Variants in UNC13A observed in about 807,000 individuals in gnomAD.
The protein encoded by UNC13A is unc-13 homolog A, also known as protein unc-13 homolog A.
In UNC13A, 61 loss-of-function variants were observed where a neutral mutation model predicts 219.7. The ratio of observed to expected loss-of-function variants is 0.28; its 90% CI spans 0.23 to 0.34. UNC13A has a LOEUF of 0.34. Among genes scored for constraint, UNC13A ranks in the 10% least tolerant of loss-of-function variants. The pLI is 1.00. For synonymous variants in UNC13A, 920 were observed against 884.6 expected (o/e 1.04, Z -0.71); for missense variants, 1,476 against 2,270.3 (o/e 0.65, Z 7.11).
chr19:17,676,179 A>C, intron 1 of UNC13A, 138 bp from the exon 2 acceptor site: 1 of 919,122 alleles, frequency 1.1e-6, no homozygotes, highest in South Asian at 1.4e-5. Context: ...GGCAAAGATA[A>C]AAAGCAAAAG....
At chr19:17,608,289 A>G (rs2076556942) in intron 43 of UNC13A, among the ~76,000 whole-genome samples, 1 of 140,148 alleles carries the variant, frequency 7.1e-6, no homozygotes, top group South Asian at 2.1e-4. Context: ...TATATATAAT[A>G]TAATATATAC....
intron 35 of UNC13A, 115 bp from the exon 36 acceptor site, chr19:17,623,662 C>A: frequency 1.9e-6 from 1 of 534,424 alleles, no homozygotes; most frequent in East Asian, 3.5e-5. Context: ...AAGACCCCTG[C>A]CCCAGCCCAG....
chr19:17,652,459 G>C (rs1049349054), intron 12 of UNC13A, among the ~76,000 whole-genome samples, 172 bp downstream of exon 12: 1 of 152,158 alleles, frequency 6.6e-6, no homozygotes, highest in Non-Finnish European at 1.5e-5. Flanking sequence ...TGTCTTTTGT[G>C]TCTGCGTATG....
intron 12 of UNC13A, among the ~76,000 whole-genome samples, chr19:17,650,288 C>T (rs1211211644): frequency 1.3e-5 from 2 of 151,656 alleles, no homozygotes; most frequent in African/African-American, 2.4e-5. Flanking sequence ...CCGAGGCGGG[C>T]GGATCACCTG....
At chr19:17,661,963 C>T (rs946257564) in intron 8 of UNC13A, among the ~76,000 whole-genome samples, 5 of 152,012 alleles carry the variant, frequency 3.3e-5, no homozygotes, top group Admixed American at 6.6e-5. Flanking sequence ...CATAGAAGGC[C>T]GGGCGCAGTG....
intron 30 of UNC13A, among the ~76,000 whole-genome samples, 198 bp downstream of exon 30, chr19:17,629,946 TC>T (rs2076824139): frequency 6.7e-6 from 1 of 150,146 alleles, no homozygotes; most frequent in Non-Finnish European, 1.5e-5. Flanking sequence ...CATTCAAACC[TC>T]AACTCCAACC....
At chr19:17,653,821 CTTTTTT>C (rs57243215) in intron 11 of UNC13A, among the ~76,000 whole-genome samples, 2 of 78,256 alleles carry the variant, frequency 2.6e-5, no homozygotes, top group Non-Finnish European at 2.3e-5. Context: ...TATCACTTCT[CTTTTTT>C]TTTTTTTTTT....
rs2076498615 is a variant in UNC13A at position 17,604,339 on chromosome 19, G to C, written c.*1715C>G. ...CCCTGCCTGGTCTGATGCTTCTGCA[G>C]ATCTCCCCAACCCCAAGGCTCCTCA... On this transcript the variant is annotated 3_prime_UTR_variant, in exon 44 of 44. Coordinates refer to ENST00000519716, the MANE Select transcript of UNC13A (RefSeq NM_001080421.3). 1 of 152,252 alleles carries C rather than the reference G, an allele frequency of 6.6e-6. No homozygotes were observed. Among genetic ancestry groups the C allele is most frequent in the Non-Finnish European group, 1.5e-5 (1 of 68,128 alleles). The allele number at this position is 152,252 out of a possible 1,614,324, so 9.4% of individuals were successfully genotyped here. A position where few individuals can be genotyped will look rare whatever the true frequency, so the allele number is the denominator to read the frequency against.
In UNC13A at chr19:17,605,750, A is replaced by C; in HGVS notation, c.*304T>G. 2.9e-6 allele frequency: 1 copy of C among 339,904 alleles called. No individual in the cohort carries two copies. 21.1% of individuals were successfully genotyped at this position (339,904 alleles called of 1,614,324 possible). A position where few individuals can be genotyped will look rare whatever the true frequency, so the allele number is the denominator to read the frequency against. ...AGCCCCGGGATGTGGCCTCCTCCAT[A>C]GGGACGAGGTTTCCCCCATCCCAGC... On this transcript the variant is annotated 3_prime_UTR_variant, in exon 44 of 44. Transcript: ENST00000519716.
intron 6 of UNC13A, among the ~76,000 whole-genome samples, chr19:17,667,293 A>ACTC (rs1470515338): frequency 6.7e-6 from 1 of 150,270 alleles, no homozygotes; most frequent in Non-Finnish European, 1.5e-5. Context: ...GACATTGGGG[A>ACTC]CTCCAGAAGG....
At chr19:17,676,809 T>A (rs1286584030) in intron 1 of UNC13A, among the ~76,000 whole-genome samples, 2 of 151,886 alleles carry the variant, frequency 1.3e-5, no homozygotes, top group African/African-American at 2.4e-5. Flanking sequence ...AGGTCAGGAG[T>A]TCAAGACCAG....
Position 17,630,006 on chromosome 19 carries a change from A to C in UNC13A, c.3669+139T>G. 3 of 1,015,574 alleles carry C rather than the reference A, an allele frequency of 3.0e-6. No individual in the cohort carries two copies. The South Asian group carries it at 5.1e-5, about 17-fold the overall frequency. The allele number at this position is 1,015,574 out of a possible 1,614,324, so 62.9% of individuals were successfully genotyped here. Reference sequence around the variant, plus strand: ...CAAACTTCAACTCCAACCTCAACCCAAACTCCAACTTCAATCCCAACCTCA... The same window carrying C: ...CAAACTTCAACTCCAACCTCAACCCCAACTCCAACTTCAATCCCAACCTCA... On this transcript the variant is annotated intron_variant, in intron 30 of 43. Coordinates refer to ENST00000519716, the MANE Select transcript of UNC13A (RefSeq NM_001080421.3).
intron 1 of UNC13A, among the ~76,000 whole-genome samples, chr19:17,683,223 T>C (rs1199127078): frequency 6.6e-6 from 1 of 152,188 alleles, no homozygotes; most frequent in Non-Finnish European, 1.5e-5. Flanking sequence ...CCTCTGGCTC[T>C]GTTCCACCAG....
At chr19:17,679,128 G>A (rs1456553662) in intron 1 of UNC13A, among the ~76,000 whole-genome samples, 2 of 152,062 alleles carry the variant, frequency 1.3e-5, no homozygotes, top group Non-Finnish European at 2.9e-5. Context: ...GAGGCTGGGC[G>A]TGGTAGCCCA....
chr19:17,668,037 A>T (rs2079693585), intron 6 of UNC13A, 80 bp downstream of exon 6: 2 of 1,434,756 alleles, frequency 1.4e-6, no homozygotes, highest in East Asian at 4.7e-5. Flanking sequence ...TTAGAGAGAA[A>T]CAGCATCTGT....
In UNC13A at chr19:17,606,121, T is replaced by C. The variant is rs1353042878; in HGVS notation, c.5045A>G (p.Lys1682Arg). 5.0e-6 allele frequency: 8 copies of C among 1,596,928 alleles called. No homozygotes were observed. The highest frequency in any genetic ancestry group is 6.0e-6 in the Non-Finnish European group (7 of 1,173,564). The change falls in exon 44 of 44, where the codon AAG (lysine) becomes AGG (arginine). Residue 1682 changes from lysine to arginine, a missense_variant. By Grantham distance (26) the Lys-to-Arg change is conservative. Transcript: ENST00000519716. ...LSQRSNDEVA[K>R]EFVKLKSDTR... is the part of the protein sequence containing the mutation. ...GTCCGACTTGAGCTTCACGAACTCCTTGGCCACCTCGTCGTTGCTGCGCTG... is the reference window on the plus strand; with the variant it reads ...GTCCGACTTGAGCTTCACGAACTCCCTGGCCACCTCGTCGTTGCTGCGCTG...
chr19:17,607,054 G>A (rs1430182328), intron 43 of UNC13A, among the ~76,000 whole-genome samples: 2 of 151,994 alleles, frequency 1.3e-5, no homozygotes, highest in African/African-American at 4.8e-5. Context: ...CACCCTGGCT[G>A]ACATCTGACC....
Position 17,601,817 on chromosome 19 carries a change from T to G in UNC13A, c.*4237A>C, listed in dbSNP as rs1000311931. 6.6e-6 allele frequency: 1 copy of G among 152,404 alleles called. No individual in the cohort carries two copies. Among genetic ancestry groups the G allele is most frequent in the East Asian group, 1.9e-4 (1 of 5,190 alleles). The allele number at this position is 152,404 out of a possible 1,614,324, so 9.4% of individuals were successfully genotyped here. A position where few individuals can be genotyped will look rare whatever the true frequency, so the allele number is the denominator to read the frequency against. On this transcript the variant is annotated 3_prime_UTR_variant, in exon 44 of 44. Coordinates refer to ENST00000519716, the MANE Select transcript of UNC13A (RefSeq NM_001080421.3). ...TCAACTTGATTTTTCTCTGAAACAATAAAAGGCAAAGAGAAAAGCAACACG... is the reference window on the plus strand; with the variant it reads ...TCAACTTGATTTTTCTCTGAAACAAGAAAAGGCAAAGAGAAAAGCAACACG...
Position 17,672,369 on chromosome 19 carries a change from G to A in UNC13A, c.270+9C>T, listed in dbSNP as rs149907939. 30 of 1,611,864 alleles carry A rather than the reference G, an allele frequency of 1.9e-5. No individual in the cohort carries two copies. Among genetic ancestry groups the A allele is most frequent in the South Asian group, 7.7e-5 (7 of 90,916 alleles). On this transcript the variant is annotated intron_variant, in intron 4 of 43. Coordinates refer to ENST00000519716, the MANE Select transcript of UNC13A (RefSeq NM_001080421.3). ...CTCCTTCTTCACCCTCAGGCCACCCGCCACTCACCTCATTGGACTGGCGGA... is the reference window on the plus strand; with the variant it reads ...CTCCTTCTTCACCCTCAGGCCACCCACCACTCACCTCATTGGACTGGCGGA...
Sources: gnomAD v4.1 joint callset for allele counts (sites outside exome capture counted in the v4.1 genomes callset) on GRCh38, gnomAD v4.1.1 for gene constraint, MANE v1.5 for transcripts, NCBI Gene and HGNC (gene_info 2026-07-23, HGNC 2026-07-21) for gene names.